GAD1: variants seen among roughly 807,000 people sequenced by gnomAD.
GAD1 encodes 67 kDa glutamic acid decarboxylase.
Under a neutral mutation model 75.2 loss-of-function variants are expected in GAD1, and 35 were observed. The ratio of observed to expected loss-of-function variants is 0.47; its 90% CI spans 0.36 to 0.62. GAD1 has a LOEUF of 0.62. GAD1 is among the 20% of genes least tolerant of loss of function. GAD1 has a pLI of 0.00. For synonymous variants in GAD1, 257 were observed against 271.9 expected (o/e 0.95, Z 0.54); for missense variants, 490 against 758.5 (o/e 0.65, Z 4.16).
chr2:170,857,213 C>A, intron 15 of GAD1, 88 bp downstream of exon 15: 1 of 1,000,086 alleles, frequency 1.0e-6, no homozygotes, highest in Non-Finnish European at 1.6e-6. Flanking sequence ...ATGGGAAAAT[C>A]AATCCCATGT....
At chr2:170,821,198 A>G (rs764221763) in intron 2 of GAD1, among the ~76,000 whole-genome samples, 7 of 152,118 alleles carry the variant, frequency 4.6e-5, no homozygotes, top group African/African-American at 1.7e-4. Flanking sequence ...TGCTGGGCTC[A>G]CCACACCACT....
chr2:170,847,468 C>A (rs1702657607), intron 10 of GAD1, among the ~76,000 whole-genome samples: 1 of 152,120 alleles, frequency 6.6e-6, no homozygotes, highest in African/African-American at 2.4e-5. Context: ...GGGCCTGGCA[C>A]ATAAAAGGCA....
At chr2:170,852,830 G>C in intron 13 of GAD1, 38 bp downstream of exon 13, 1 of 1,579,380 alleles carries the variant, frequency 6.3e-7, no homozygotes, top group Non-Finnish European at 8.7e-7. Context: ...GGGCCCGTAC[G>C]TTCTTTAGAA....
chr2:170,830,263 G>A (rs965667855), intron 4 of GAD1, among the ~76,000 whole-genome samples: 9 of 152,258 alleles, frequency 5.9e-5, no homozygotes, highest in South Asian at 4.1e-4. Context: ...AGAGAGTATC[G>A]TGCACAACTG....
At position 170,853,728 on chromosome 2, in the gene GAD1, T is replaced by C; in HGVS notation, c.1264-145T>C. 1 of 751,052 alleles carries C rather than the reference T, an allele frequency of 1.3e-6. No individual in the cohort carries two copies. Among genetic ancestry groups the C allele is most frequent in the East Asian group, 2.6e-5 (1 of 38,358 alleles). 46.5% of individuals were successfully genotyped at this position (751,052 alleles called of 1,614,324 possible). On this transcript the variant is annotated intron_variant, in intron 13 of 16. Transcript: ENST00000358196. This position sits in a 1 kb window ranked among gnomAD's most constrained non-coding sequence, Gnocchi z 4.1. ...CCAAGAGTGATTTTAGAAAAGGGCA[T>C]CAGAACAAGTGTAAGGCCTCATAAA... is the stretch of plus-strand genomic sequence containing the variant.
Position 170,857,131 on chromosome 2 carries a change from T to C in GAD1, c.1521+6T>C. The C allele has an allele frequency of 6.2e-7, 1 of 1,602,136 alleles. No individual in the cohort carries two copies. Among genetic ancestry groups the C allele is most frequent in the Non-Finnish European group, 8.6e-7 (1 of 1,169,364 alleles). On this transcript the variant is annotated splice_donor_region_variant and intron_variant, in intron 15 of 16. Coordinates refer to ENST00000358196, the MANE Select transcript of GAD1 (RefSeq NM_000817.3). The stretch of plus-strand genomic sequence containing the variant: ...AGATGGTTTTCAATGGCGAGGTAGG[T>C]AATCATCATGGACCAGGTACACAGT...
At chr2:170,849,631 T>C (rs1702708350) in intron 12 of GAD1, among the ~76,000 whole-genome samples, 1 of 152,174 alleles carries the variant, frequency 6.6e-6, no homozygotes, top group Admixed American at 6.5e-5. Context: ...AGAGGATCAT[T>C]TGAGCCCAAG....
intron 12 of GAD1, among the ~76,000 whole-genome samples, chr2:170,850,095 C>A (rs1015787681): frequency 6.6e-6 from 1 of 152,182 alleles, no homozygotes; most frequent in African/African-American, 2.4e-5. Context: ...TGTGAATATT[C>A]AGTTATGTGT....
At chr2:170,827,055 C>A (rs906389959) in intron 3 of GAD1, among the ~76,000 whole-genome samples, 12 of 152,086 alleles carry the variant, frequency 7.9e-5, no homozygotes, top group African/African-American at 2.9e-4. Flanking sequence ...GTCCTTTGGG[C>A]TTTAGTGATA....
At chr2:170,838,070 GT>G (rs1414277577) in intron 6 of GAD1, among the ~76,000 whole-genome samples, 43 of 152,202 alleles carry the variant, frequency 2.8e-4, no homozygotes, top group African/African-American at 1.0e-3. Context: ...AAGGATTCCT[GT>G]TTTCTTGGCT....
intron 3 of GAD1, among the ~76,000 whole-genome samples, chr2:170,822,776 A>T (rs1701923293): frequency 6.6e-6 from 1 of 152,162 alleles, no homozygotes; most frequent in African/African-American, 2.4e-5. Context: ...GATTGCCTGG[A>T]GCCCTCCATG....
chr2:170,827,683 T>C (rs1447845621), intron 3 of GAD1, among the ~76,000 whole-genome samples: 1 of 152,194 alleles, frequency 6.6e-6, no homozygotes, highest in Non-Finnish European at 1.5e-5. Flanking sequence ...GTGGAGTTCT[T>C]GGATGACTAG....
At position 170,830,966 on chromosome 2, in the gene GAD1, G is replaced by A. The variant is rs549653544; in HGVS notation, c.321G>A (p.Lys107=). 2.2e-5 allele frequency: 36 copies of A among 1,614,190 alleles called. No individual in the cohort carries two copies. In the South Asian group the frequency reaches 3.7e-4, roughly 17 times the overall value. Residue 107 remains lysine (K), a synonymous_variant, in exon 5 of 17, where the codon AAG becomes AAA. Transcript: ENST00000358196. ...NLFARDLLPA[K]NGEEQTVQFL... Reference sequence around the variant, plus strand: ...CCAATTCAGATCTGCTTCCGGCTAAGAACGGTGAGGAGCAAACCGTGCAAT... The same window carrying A: ...CCAATTCAGATCTGCTTCCGGCTAAAAACGGTGAGGAGCAAACCGTGCAAT...
intron 12 of GAD1, among the ~76,000 whole-genome samples, chr2:170,850,686 G>A (rs756531565): frequency 3.9e-5 from 6 of 152,136 alleles, no homozygotes; most frequent in Admixed American, 1.3e-4. Context: ...GGGTGAGACC[G>A]GCTCTGTGAA....
At chr2:170,836,916 T>A (rs1261654555) in intron 6 of GAD1, 33 bp downstream of exon 6, 2 of 1,439,488 alleles carry the variant, frequency 1.4e-6, no homozygotes, top group Non-Finnish European at 2.0e-6. Flanking sequence ...TAAGCAACCC[T>A]GATGTATGAC....
chr2:170,826,931 T>A (rs371669974), intron 3 of GAD1, among the ~76,000 whole-genome samples: 14 of 152,192 alleles, frequency 9.2e-5, no homozygotes, highest in East Asian at 7.7e-4. Flanking sequence ...CTCTGGACTT[T>A]GAGGATTTGG....
At chr2:170,814,268 A>G (rs1300870701), upstream of GAD1, among the ~76,000 whole-genome samples, 2 of 152,146 alleles carry the variant, frequency 1.3e-5, no homozygotes, top group Non-Finnish European at 2.9e-5. Flanking sequence ...TACTGTCAGG[A>G]GGGAGGAGGG....
intron 5 of GAD1, among the ~76,000 whole-genome samples, chr2:170,831,594 ATGTGTGTGTGTGTGTGTGTGTGTGTG>A (rs370649454): frequency 8.1e-6 from 1 of 122,804 alleles, no homozygotes; most frequent in African/African-American, 3.1e-5. Flanking sequence ...GTCTCTACAT[ATGTGTGTGTGTGTGTGTGTGTGTGTG>A]TGTGTGTGTG....
intron 2 of GAD1, 187 bp from the exon 3 acceptor site, chr2:170,821,900 T>C: frequency 1.6e-6 from 1 of 611,396 alleles, no homozygotes. Context: ...GAAGGGAGTA[T>C]GATGGGGGCT....
Sources: allele counts gnomAD v4.1 joint callset (sites outside exome capture counted in the v4.1 genomes callset), GRCh38; gene constraint gnomAD v4.1.1; non-coding constraint Gnocchi (gnomAD v3.1); transcripts MANE v1.5; gene names NCBI Gene and HGNC (gene_info 2026-07-23, HGNC 2026-07-21).